Variants in RBFOX3 observed in about 807,000 individuals in gnomAD.
RBFOX3 encodes RNA binding protein fox-1 homolog 3.
In RBFOX3, 17 loss-of-function variants were observed where a neutral mutation model predicts 48.7. The ratio of observed to expected loss-of-function variants is 0.35; its 90% CI spans 0.24 to 0.52. RBFOX3 has a LOEUF of 0.52. RBFOX3 is among the 20% of genes least tolerant of loss of function. The pLI, the probability that RBFOX3 is intolerant of heterozygous loss-of-function variation, is 0.94. For missense variants in RBFOX3, 382 were observed against 497.5 expected (o/e 0.77, Z 2.21); for synonymous variants, 212 against 209.5 (o/e 1.01, Z -0.10).
At chr17:79,120,328 G>A (rs918432882) in intron 4 of RBFOX3, among the ~76,000 whole-genome samples, 10 of 152,174 alleles carry the variant, frequency 6.6e-5, no homozygotes, top group Non-Finnish European at 1.5e-5. Flanking sequence ...ATGGATGGAT[G>A]GATGGGAGGG....
intron 2 of RBFOX3, among the ~76,000 whole-genome samples, chr17:79,316,681 A>C (rs1244051611): frequency 1.3e-5 from 2 of 152,272 alleles, no homozygotes; most frequent in Non-Finnish European, 2.9e-5. Context: ...TTACAGCCGA[A>C]ATAGCAAACC....
In RBFOX3 at chr17:79,506,850, T is replaced by C. The variant is rs915468573; in HGVS notation, c.-319-24252A>G. 8.6e-4 allele frequency among the ~76,000 whole-genome samples: 131 copies of C among 152,254 alleles called. 1 individual carries two copies. The highest frequency in any genetic ancestry group is 3.0e-3 in the African/African-American group (123 of 41,564). On this transcript the variant is annotated intron_variant, in intron 1 of 14. Transcript: ENST00000693108. ...TCCTGACGCAGCCCAGCTGGGAAGCTGGAACCCTTCTCCAGTGCCCCCACG... is the reference window on the plus strand; with the variant it reads ...TCCTGACGCAGCCCAGCTGGGAAGCCGGAACCCTTCTCCAGTGCCCCCACG...
At chr17:79,348,650 G>A (rs920543233) in intron 2 of RBFOX3, among the ~76,000 whole-genome samples, 26 of 136,142 alleles carry the variant, frequency 1.9e-4, no homozygotes, top group Non-Finnish European at 3.2e-4. Flanking sequence ...GTGCCATCTC[G>A]GCTCACTGCA....
intron 1 of RBFOX3, among the ~76,000 whole-genome samples, chr17:79,593,750 T>C (rs2093488599): frequency 6.6e-6 from 1 of 152,242 alleles, no homozygotes; most frequent in Non-Finnish European, 1.5e-5. Flanking sequence ...CGGAACCCGA[T>C]GGGCACACTG....
chr17:79,529,740 G>T (rs1445200238), intron 1 of RBFOX3, among the ~76,000 whole-genome samples: 2 of 152,220 alleles, frequency 1.3e-5, no homozygotes, highest in African/African-American at 4.8e-5. Flanking sequence ...AGGAGGGAGA[G>T]TGAGGAAGGA....
At chr17:79,147,475 G>A (rs543652442) in intron 4 of RBFOX3, among the ~76,000 whole-genome samples, 1 of 152,352 alleles carries the variant, frequency 6.6e-6, no homozygotes, top group East Asian at 1.9e-4. Flanking sequence ...CCCATGCTGT[G>A]CGCCAGAAGA....
chr17:79,639,997 AT>A, the RBFOX3 span, among the ~76,000 whole-genome samples: 1 of 152,226 alleles, frequency 6.6e-6, no homozygotes, highest in Non-Finnish European at 1.5e-5. Context: ...AGAAAAAGAA[AT>A]AAAAGCATCC....
Position 79,369,424 on chromosome 17 carries a change from G to A in RBFOX3, c.-174-61600C>T, listed in dbSNP as rs187377194. ...GCTGGGGGCAAAGGACACGCGTTTC[G>A]GAGGGTTTGCTGTTTTCACCCCCAG... On this transcript the variant is annotated intron_variant, in intron 2 of 14. Coordinates refer to ENST00000693108, the MANE Select transcript of RBFOX3 (RefSeq NM_001350451.2). 5.3e-5 allele frequency among the ~76,000 whole-genome samples: 8 copies of A among 152,146 alleles called. No individual in the cohort carries two copies. In the South Asian group the frequency reaches 1.0e-3, roughly 20 times the overall value.
intron 2 of RBFOX3, among the ~76,000 whole-genome samples, chr17:79,326,287 A>C (rs1290662715): frequency 1.3e-5 from 2 of 152,056 alleles, no homozygotes; most frequent in South Asian, 2.1e-4. Flanking sequence ...ACTGGTTGAG[A>C]AGCTAGGAGG....
chr17:79,630,927 C>T, the RBFOX3 span, among the ~76,000 whole-genome samples: 298 of 152,240 alleles, frequency 2.0e-3, 3 homozygotes, highest in Middle Eastern at 3.4e-3. Context: ...GCAAGCAACC[C>T]GGAAAAGCAC....
At chr17:79,387,344 T>C (rs1194774063) in intron 2 of RBFOX3, among the ~76,000 whole-genome samples, 4 of 152,200 alleles carry the variant, frequency 2.6e-5, no homozygotes, top group African/African-American at 9.7e-5. Flanking sequence ...ATCGGTCCTA[T>C]TATTCTAACA....
chr17:79,118,938 T>C lies in RBFOX3; in HGVS notation c.-33-3190A>G, dbSNP rs1444985133. Reference sequence around the variant, plus strand: ...CTGCAGTGAACCAAGATCACACCACTGTGGTCCAGCCAGGGTGACAGAGGA... The same window carrying C: ...CTGCAGTGAACCAAGATCACACCACCGTGGTCCAGCCAGGGTGACAGAGGA... On this transcript the variant is annotated intron_variant, in intron 4 of 14. Transcript: ENST00000693108. Among the ~76,000 whole-genome samples the C allele has an allele frequency of 2.7e-5, 4 of 146,962 alleles. No individual in the cohort carries two copies. In the East Asian group the frequency reaches 8.0e-4, roughly 29 times the overall value.
At chr17:79,611,130 T>TCTCTCTCTCTCTCTATCTCTCTCTCTCTC (rs1491548376), upstream of RBFOX3, among the ~76,000 whole-genome samples, 1 of 37,846 alleles carries the variant, frequency 2.6e-5, no homozygotes, top group Non-Finnish European at 4.3e-5. Context: ...TCCGCCCTCC[T>TCTCTCTCTCTCTCTATCTCTCTCTCTCTC]TCTCTCTCTC....
chr17:79,604,278 G>A (rs2093777691), intron 1 of RBFOX3, among the ~76,000 whole-genome samples: 1 of 152,218 alleles, frequency 6.6e-6, no homozygotes, highest in Admixed American at 6.5e-5. Context: ...GCTTTGCAGA[G>A]CCCATCAGGA....
intron 4 of RBFOX3, among the ~76,000 whole-genome samples, chr17:79,180,346 G>T (rs1568295089): frequency 6.6e-6 from 1 of 152,236 alleles, no homozygotes; most frequent in African/African-American, 2.4e-5. Flanking sequence ...GGCTTAGAAA[G>T]CCTGTTTAAA....
At chr17:79,202,304 C>T (rs1218720487) in intron 4 of RBFOX3, among the ~76,000 whole-genome samples, 1 of 152,078 alleles carries the variant, frequency 6.6e-6, no homozygotes, top group Non-Finnish European at 1.5e-5. Flanking sequence ...GAGAGGCAGC[C>T]CTGGGTAACT....
chr17:79,447,383 C>T (rs536557294), intron 2 of RBFOX3, among the ~76,000 whole-genome samples: 51 of 152,324 alleles, frequency 3.3e-4, no homozygotes, highest in African/African-American at 1.1e-3. Context: ...CTGCCACTCC[C>T]CCTCCACAGA....
chr17:79,157,538 C>G (rs972473283), intron 4 of RBFOX3, among the ~76,000 whole-genome samples: 3 of 152,206 alleles, frequency 2.0e-5, no homozygotes, highest in African/African-American at 7.2e-5. Flanking sequence ...CCAAGGGACT[C>G]AGCGTGGTAG....
chr17:79,432,532 A>G (rs1055682533), intron 2 of RBFOX3, among the ~76,000 whole-genome samples: 1 of 152,212 alleles, frequency 6.6e-6, no homozygotes, highest in African/African-American at 2.4e-5. Flanking sequence ...ATTTGTGTGC[A>G]ACCTGTTTCG....
Sources: allele counts gnomAD v4.1 joint callset (sites outside exome capture counted in the v4.1 genomes callset), GRCh38; gene constraint gnomAD v4.1.1; transcripts MANE v1.5; gene names NCBI Gene and HGNC (gene_info 2026-07-23, HGNC 2026-07-21).